LIMS1: variants seen among roughly 807,000 people sequenced by gnomAD.
The protein encoded by LIMS1 is LIM and senescent cell antigen-like-containing domain protein 1.
LIMS1 carries 18 observed loss-of-function variants against 44.1 expected under a neutral mutation model. That is an observed-to-expected ratio of 0.41 (90% confidence interval 0.28 to 0.61). The LOEUF (loss-of-function observed/expected upper bound fraction) is 0.61. Among genes scored for constraint, LIMS1 ranks in the 20% least tolerant of loss-of-function variants. The probability of loss-of-function intolerance (pLI) is 0.32; values close to 1 mark genes in which losing one functional copy is unlikely to be tolerated. For synonymous variants in LIMS1, 93 were observed against 149.1 expected (o/e 0.62, Z 2.74); for missense variants, 201 against 422.0 (o/e 0.48, Z 4.59).
At chr2:108,541,390 T>G (rs1360112655) in intron 1 of LIMS1, among the ~76,000 whole-genome samples, 1 of 152,228 alleles carries the variant, frequency 6.6e-6, no homozygotes, top group Non-Finnish European at 1.5e-5. Context: ...CAGTTGCAGC[T>G]TTTGCCACAG....
At chr2:108,642,727 G>T (rs138795127) in intron 1 of LIMS1, among the ~76,000 whole-genome samples, 1,831 of 152,228 alleles carry the variant, frequency 0.012, 43 homozygotes, top group African/African-American at 0.043. Context: ...CTTTATTCAG[G>T]CCTTAATTAT....
chr2:108,617,603 T>A (rs1687997076), intron 1 of LIMS1, among the ~76,000 whole-genome samples: 1 of 152,196 alleles, frequency 6.6e-6, no homozygotes, highest in East Asian at 1.9e-4. Flanking sequence ...TAAAGCTTGT[T>A]TAACAAACGT....
chr2:108,679,261 C>T (rs1692782794), intron 8 of LIMS1, among the ~76,000 whole-genome samples: 1 of 151,526 alleles, frequency 6.6e-6, no homozygotes, highest in African/African-American at 2.4e-5. Context: ...GGCAGATCAA[C>T]TGAGGTCAAG....
At chr2:108,593,420 G>A (rs1290704514) in intron 1 of LIMS1, among the ~76,000 whole-genome samples, 1 of 152,080 alleles carries the variant, frequency 6.6e-6, no homozygotes, top group African/African-American at 2.4e-5. Context: ...AAGGAATGCT[G>A]GGGAAAAGGT....
intron 1 of LIMS1, among the ~76,000 whole-genome samples, chr2:108,548,236 T>C (rs1684554160): frequency 6.6e-6 from 1 of 152,170 alleles, no homozygotes; most frequent in African/African-American, 2.4e-5. Context: ...GATATAACTT[T>C]GAGGTGGGTG....
exon 9 of LIMS1, chr2:108,680,710 A>G: frequency 1.2e-6 from 2 of 1,610,474 alleles, no homozygotes; most frequent in Non-Finnish European, 1.7e-6. Context: ...TCTGCTCTTA[A>G]TAAGGCCTGG....
chr2:108,610,757 A>C (rs750692280), intron 1 of LIMS1, among the ~76,000 whole-genome samples: 4 of 152,240 alleles, frequency 2.6e-5, no homozygotes, highest in Non-Finnish European at 5.9e-5. Context: ...AGTCTCTCTT[A>C]ATCTGCAGGA....
At chr2:108,550,677 G>A (rs1161043244) in intron 1 of LIMS1, among the ~76,000 whole-genome samples, 5 of 151,028 alleles carry the variant, frequency 3.3e-5, no homozygotes, top group African/African-American at 7.3e-5. Context: ...TTAGTCGGGC[G>A]TCGTGGCGGG....
At chr2:108,562,782 A>G (rs540883133) in intron 1 of LIMS1, among the ~76,000 whole-genome samples, 3 of 152,362 alleles carry the variant, frequency 2.0e-5, no homozygotes, top group East Asian at 1.9e-4. Flanking sequence ...CAAACAACAG[A>G]TTGTCAGTGT....
At chr2:108,623,973 C>T (rs952501714) in intron 1 of LIMS1, among the ~76,000 whole-genome samples, 2 of 152,196 alleles carry the variant, frequency 1.3e-5, no homozygotes, top group Non-Finnish European at 2.9e-5. Flanking sequence ...TGTTCAAAAC[C>T]GAAGCAGGTA....
chr2:108,557,385 T>G (rs1166144266), intron 1 of LIMS1, among the ~76,000 whole-genome samples: 1 of 151,898 alleles, frequency 6.6e-6, no homozygotes, highest in Non-Finnish European at 1.5e-5. Context: ...CCTTTTTTTC[T>G]TAAGACTATA....
rs544629461 is a variant in LIMS1, at chr2:108,607,918, A to G, written c.33-51687A>G. 9.8e-5 allele frequency among the ~76,000 whole-genome samples: 15 copies of G among 152,338 alleles called. No individual in the cohort carries two copies. In the East Asian group the frequency reaches 2.9e-3, roughly 29 times the overall value. Reference sequence around the variant, plus strand: ...TGCCTGTAACATCTTCAGGAGCCACATGGTGGCAGGCGCAGTGCTTTGAAA... The same window carrying G: ...TGCCTGTAACATCTTCAGGAGCCACGTGGTGGCAGGCGCAGTGCTTTGAAA... On this transcript the variant is annotated intron_variant, in intron 1 of 9. Transcript: ENST00000544547.
intron 1 of LIMS1, among the ~76,000 whole-genome samples, chr2:108,627,614 A>G (rs148196514): frequency 3.3e-5 from 5 of 152,294 alleles, no homozygotes; most frequent in African/African-American, 9.6e-5. Context: ...GGTATAAATT[A>G]CTTATAAAAG....
Position 108,553,492 on chromosome 2 carries a change from A to G in LIMS1, c.32+18898A>G, listed in dbSNP as rs571321802. The stretch of plus-strand genomic sequence containing the variant: ...TCTAGGAAAGGCCCAGGATCACACA[A>G]TCCCAAAATACTAGAGTTAGAAGAG... On this transcript the variant is annotated intron_variant, in intron 1 of 9. Transcript: ENST00000544547. 6.6e-5 allele frequency among the ~76,000 whole-genome samples: 10 copies of G among 152,344 alleles called. No individual in the cohort carries two copies. In the East Asian group the frequency reaches 1.3e-3, roughly 21 times the overall value.
At chr2:108,663,822 T>G (rs1257665669) in intron 2 of LIMS1, among the ~76,000 whole-genome samples, 2 of 152,164 alleles carry the variant, frequency 1.3e-5, no homozygotes, top group Non-Finnish European at 2.9e-5. Context: ...ATGTGCGATC[T>G]TGGCTCACCG....
chr2:108,663,743 A>T (rs1183912864), intron 2 of LIMS1, among the ~76,000 whole-genome samples: 1 of 151,590 alleles, frequency 6.6e-6, no homozygotes, highest in Admixed American at 6.6e-5. Context: ...CCATTTTTTT[A>T]ATTTTTTATT....
intron 1 of LIMS1, among the ~76,000 whole-genome samples, chr2:108,603,068 C>T (rs190688230): frequency 6.6e-5 from 10 of 152,202 alleles, no homozygotes; most frequent in Non-Finnish European, 1.0e-4. Flanking sequence ...TTTACAGGCA[C>T]GAGCCACTCG....
At chr2:108,621,581 C>T (rs947929905) in intron 1 of LIMS1, 2 of 726,422 alleles carry the variant, frequency 2.8e-6, no homozygotes, top group Non-Finnish European at 4.8e-6. Context: ...GCCTCTTAGT[C>T]TGTAATTAAA....
intron 1 of LIMS1, among the ~76,000 whole-genome samples, chr2:108,583,060 TG>T (rs1685947679): frequency 6.6e-6 from 1 of 152,046 alleles, no homozygotes; most frequent in Non-Finnish European, 1.5e-5. Flanking sequence ...GTTTTTTAGA[TG>T]GAGTTTCATT....
Sources: gnomAD v4.1 joint callset for allele counts (sites outside exome capture counted in the v4.1 genomes callset) on GRCh38, gnomAD v4.1.1 for gene constraint, MANE v1.5 for transcripts, NCBI Gene and HGNC (gene_info 2026-07-23, HGNC 2026-07-21) for gene names.